Variants in SLCO2B1 observed in about 807,000 individuals in gnomAD.
SLCO2B1 encodes solute carrier organic anion transporter family member 2B1.
SLCO2B1 carries 41 observed loss-of-function variants against 67.3 expected under a neutral mutation model. The ratio of observed to expected loss-of-function variants is 0.61; its 90% CI spans 0.47 to 0.79. The LOEUF (loss-of-function observed/expected upper bound fraction) is 0.79, where lower values mean the gene tolerates loss of function less well. Ranked by LOEUF, SLCO2B1 falls within the 30% of genes least tolerant of loss-of-function variation. The pLI is 0.00. For missense variants in SLCO2B1, 837 were observed against 920.1 expected (o/e 0.91, Z 1.17); for synonymous variants, 379 against 381.4 (o/e 0.99, Z 0.07).
intron 1 of SLCO2B1, among the ~76,000 whole-genome samples, chr11:75,153,917 T>C (rs1410420724): frequency 6.8e-6 from 1 of 146,724 alleles, no homozygotes; most frequent in African/African-American, 2.5e-5. Context: ...CAATCATGTG[T>C]ACAGTACTTT....
chr11:75,203,410 T>C lies in SLCO2B1; in HGVS notation c.1932T>C (p.Asn644=). Residue 644 remains asparagine, a synonymous_variant, in exon 13 of 14, where the codon AAT becomes AAC. Transcript: ENST00000289575. ...GRRAVCRYYN[N]DLLRNRFIGL... ...GAGCTGTCTGTCGCTACTACAATAATGACCTGCTCCGAAACCGGTGAGACC... is the reference window on the plus strand; with the variant it reads ...GAGCTGTCTGTCGCTACTACAATAACGACCTGCTCCGAAACCGGTGAGACC... 6.2e-7 allele frequency: 1 copy of C among 1,614,098 alleles called. No individual in the cohort carries two copies. The highest frequency in any genetic ancestry group is 8.5e-7 in the Non-Finnish European group (1 of 1,179,982).
At chr11:75,163,088 G>A (rs1319010258) in intron 2 of SLCO2B1, among the ~76,000 whole-genome samples, 1 of 152,110 alleles carries the variant, frequency 6.6e-6, no homozygotes, top group Non-Finnish European at 1.5e-5. Flanking sequence ...TGGGGATCCC[G>A]AACCTATGTG....
chr11:75,170,125 C>T (rs1949941169), intron 6 of SLCO2B1: 3 of 244,010 alleles, frequency 1.2e-5, no homozygotes, highest in Non-Finnish European at 2.4e-5. Flanking sequence ...GAAGAGCATA[C>T]TCTCTTGCCT....
At chr11:75,157,020 G>A (rs1046108880) in intron 1 of SLCO2B1, 1 of 152,452 alleles carries the variant, frequency 6.6e-6, no homozygotes, top group African/African-American at 2.4e-5. Context: ...CTCATTCTGT[G>A]ACCTGGAATG....
At chr11:75,159,959 T>C in intron 1 of SLCO2B1, 2 of 676,420 alleles carry the variant, frequency 3.0e-6, no homozygotes, top group Non-Finnish European at 3.7e-6. Flanking sequence ...GAACTGGGGC[T>C]AGACAGGCTG....
Position 75,200,248 on chromosome 11 carries a change from G to A in SLCO2B1, c.1624G>A (p.Val542Met), listed in dbSNP as rs143480565. ...GGTTTTCTACACCAACTGCAGCTGCGTGGTGGAGGGCAACCCCGTGCTGGC... is the reference window on the plus strand; with the variant it reads ...GGTTTTCTACACCAACTGCAGCTGCATGGTGGAGGGCAACCCCGTGCTGGC... ...SQVFYTNCSC[V>M]VEGNPVLAGS... The change falls in exon 11 of 14, where the codon GTG becomes ATG. Residue 542 changes from valine (V) to methionine (M), a missense_variant. By Grantham distance (21) the Val-to-Met change is conservative (BLOSUM62 1). Transcript: ENST00000289575. The A allele has an allele frequency of 1.5e-3, 2,478 of 1,613,024 alleles. 8 individuals carry two copies. Among genetic ancestry groups the A allele is most frequent in the Non-Finnish European group, 1.9e-3 (2,274 of 1,179,312 alleles).
chr11:75,198,129 C>T (rs1945128294), intron 10 of SLCO2B1, among the ~76,000 whole-genome samples: 1 of 152,198 alleles, frequency 6.6e-6, no homozygotes, highest in Admixed American at 6.5e-5. Flanking sequence ...GTTGATGGTG[C>T]ATAGTCCTTC....
At chr11:75,169,567 G>C in intron 5 of SLCO2B1, 99 bp from the exon 6 acceptor site, 2 of 1,239,698 alleles carry the variant, frequency 1.6e-6, no homozygotes, top group Non-Finnish European at 2.3e-6. Flanking sequence ...TCCCTGACCA[G>C]GGGAGACAGA....
chr11:75,191,219 C>T (rs1945019135), intron 8 of SLCO2B1, among the ~76,000 whole-genome samples: 1 of 152,062 alleles, frequency 6.6e-6, no homozygotes, highest in Admixed American at 6.6e-5. Flanking sequence ...CTTAAACTGG[C>T]CTCTGGATGA....
intron 7 of SLCO2B1, among the ~76,000 whole-genome samples, chr11:75,182,062 C>T (rs539357235): frequency 6.6e-5 from 10 of 152,312 alleles, no homozygotes; most frequent in African/African-American, 2.4e-4. Context: ...CCTACCCCAG[C>T]CAAGCACTGC....
At position 75,182,098 on chromosome 11, in the gene SLCO2B1, T is replaced by C. The variant is rs114740619; in HGVS notation, c.973-6038T>C. 4.2e-3 allele frequency among the ~76,000 whole-genome samples: 641 copies of C among 152,294 alleles called. 10 individuals are homozygous for C. Among genetic ancestry groups the C allele is most frequent in the African/African-American group, 0.015 (604 of 41,568 alleles). ...TGTAATCAAGTTGGTGTCCCCACTG[T>C]GTCCTGCACAAGACCTCCACCACCG... On this transcript the variant is annotated intron_variant, in intron 7 of 13. Coordinates refer to ENST00000289575, the MANE Select transcript of SLCO2B1 (RefSeq NM_007256.5).
chr11:75,205,646 C>A lies in SLCO2B1; in HGVS notation c.*1066C>A, dbSNP rs1311958895. ...GGCACCTGGTTCTCCGATGCCTGGGCTGGTGTCAGGCCCAGGACTGTAGTG... is the reference window on the plus strand; with the variant it reads ...GGCACCTGGTTCTCCGATGCCTGGGATGGTGTCAGGCCCAGGACTGTAGTG... On this transcript the variant is annotated 3_prime_UTR_variant, in exon 14 of 14. Coordinates refer to ENST00000289575, the MANE Select transcript of SLCO2B1 (RefSeq NM_007256.5). 1.3e-5 allele frequency: 2 copies of A among 152,280 alleles called. No individual in the cohort carries two copies. Among genetic ancestry groups the A allele is most frequent in the Non-Finnish European group, 2.9e-5 (2 of 68,104 alleles). 9.4% of individuals were successfully genotyped at this position (152,280 alleles called of 1,614,324 possible). A position where few individuals can be genotyped will look rare whatever the true frequency, so the allele number is the denominator to read the frequency against.
chr11:75,183,595 G>A (rs1178074644), intron 7 of SLCO2B1, among the ~76,000 whole-genome samples: 1 of 152,130 alleles, frequency 6.6e-6, no homozygotes, highest in Non-Finnish European at 1.5e-5. Context: ...TGCCATCATA[G>A]CTTACTGTAG....
intron 7 of SLCO2B1, among the ~76,000 whole-genome samples, chr11:75,183,928 T>C (rs1684638157): frequency 6.6e-6 from 1 of 152,166 alleles, no homozygotes; most frequent in Admixed American, 6.5e-5. Context: ...TGCTCATGTG[T>C]GAAGGAGTGT....
rs546175225 is a variant in SLCO2B1, at chr11:75,153,069, A to G, written c.16+1672A>G. ...AGTGCTGGGGCAGCCATTCACACAC[A>G]CACAGTCTGACTCAGAGATTTCATC... On this transcript the variant is annotated intron_variant, in intron 1 of 13. Coordinates refer to ENST00000289575, the MANE Select transcript of SLCO2B1 (RefSeq NM_007256.5). 9.8e-5 allele frequency among the ~76,000 whole-genome samples: 15 copies of G among 152,292 alleles called. No individual in the cohort carries two copies. The South Asian group carries it at 3.1e-3, about 32-fold the overall frequency.
chr11:75,170,856 G>T (rs1185734276), intron 6 of SLCO2B1, among the ~76,000 whole-genome samples: 1 of 152,144 alleles, frequency 6.6e-6, no homozygotes, highest in East Asian at 1.9e-4. Context: ...CATGCAAGGG[G>T]GTGTGTTTTC....
Position 75,169,659 on chromosome 11 carries a change from G to A in SLCO2B1, c.683-7G>A, listed in dbSNP as rs751030533. On this transcript the variant is annotated splice_polypyrimidine_tract_variant and splice_region_variant and intron_variant, in intron 5 of 13. Coordinates refer to ENST00000289575, the MANE Select transcript of SLCO2B1 (RefSeq NM_007256.5). The stretch of plus-strand genomic sequence containing the variant: ...CAGAGGATCCTAACTCAGGCTTTGT[G>A]TTGTAGGGATCCTGTTTGCAGTGAC... 12 of 1,609,286 alleles carry A rather than the reference G, an allele frequency of 7.5e-6. No homozygotes were observed. In the African/African-American group the frequency reaches 1.5e-4, roughly 20 times the overall value.
intron 8 of SLCO2B1, among the ~76,000 whole-genome samples, chr11:75,189,373 T>G (rs79771671): frequency 6.6e-6 from 1 of 152,348 alleles, no homozygotes; most frequent in East Asian, 1.9e-4. Flanking sequence ...ATTGGGTCAA[T>G]AATCCTTGCT....
In SLCO2B1 at chr11:75,174,805, T is replaced by G. The variant is rs1306019630; in HGVS notation, c.972+2236T>G. On this transcript the variant is annotated intron_variant, in intron 7 of 13. Transcript: ENST00000289575. ...AAATTTGAACAGAGAAGAATGCCAG[T>G]TGAGCCACGGGTGGGATAGGTGACA... Among the ~76,000 whole-genome samples, 7 of 152,238 alleles carry G rather than the reference T, an allele frequency of 4.6e-5. No homozygotes were observed. In the East Asian group the frequency reaches 1.4e-3, roughly 29 times the overall value.
Sources: gnomAD v4.1 joint callset for allele counts (sites outside exome capture counted in the v4.1 genomes callset) on GRCh38, gnomAD v4.1.1 for gene constraint, MANE v1.5 for transcripts, NCBI Gene and HGNC (gene_info 2026-07-23, HGNC 2026-07-21) for gene names.